TRAPPC12: variants seen among roughly 807,000 people sequenced by gnomAD.
TRAPPC12 encodes the protein TPR repeat protein 15.
Under a neutral mutation model 69.2 loss-of-function variants are expected in TRAPPC12, and 61 were observed. That is an observed-to-expected ratio of 0.88 (90% CI 0.72 to 1.09). The LOEUF is 1.09. TRAPPC12 is among the 50% of genes least tolerant of loss of function. The probability of loss-of-function intolerance (pLI) is 0.00; values close to 1 mark genes in which losing one functional copy is unlikely to be tolerated. For synonymous variants in TRAPPC12, 469 were observed against 438.9 expected (o/e 1.07, Z -0.86); for missense variants, 1,101 against 1,016.4 (o/e 1.08, Z -1.13).
chr2:3,470,544 CA>C (rs973409467), intron 9 of TRAPPC12, among the ~76,000 whole-genome samples: 1 of 152,238 alleles, frequency 6.6e-6, no homozygotes, highest in African/African-American at 2.4e-5. Context: ...GTGCCGTCGC[CA>C]AATCAGTAAC....
chr2:3,431,563 A>C (rs1572149560), intron 5 of TRAPPC12, among the ~76,000 whole-genome samples: 1 of 151,934 alleles, frequency 6.6e-6, no homozygotes, highest in African/African-American at 2.4e-5. Flanking sequence ...AGATCCCTGT[A>C]CTAGCCTTCT....
At chr2:3,383,842 T>C (rs1239309696) in intron 1 of TRAPPC12, among the ~76,000 whole-genome samples, 4 of 149,802 alleles carry the variant, frequency 2.7e-5, no homozygotes. Context: ...TGATGTGTGC[T>C]ACATATTCCC....
At chr2:3,397,990 T>C (rs550774311) in intron 2 of TRAPPC12, among the ~76,000 whole-genome samples, 66 of 152,356 alleles carry the variant, frequency 4.3e-4, no homozygotes, top group Non-Finnish European at 7.6e-4. Flanking sequence ...TTGCTGTGTC[T>C]GAAGACAGTT....
chr2:3,477,372 T>C (rs1369542684), intron 9 of TRAPPC12, among the ~76,000 whole-genome samples: 1 of 152,268 alleles, frequency 6.6e-6, no homozygotes, highest in Non-Finnish European at 1.5e-5. Context: ...ATTTTATGTT[T>C]CATCTTATTA....
chr2:3,401,594 AT>A (rs1392854010), intron 2 of TRAPPC12, among the ~76,000 whole-genome samples, 182 bp from the exon 3 acceptor site: 2 of 152,262 alleles, frequency 1.3e-5, no homozygotes, highest in African/African-American at 4.8e-5. Context: ...AAAATTATGC[AT>A]TTTATTAACG....
chr2:3,423,455 G>C (rs1662932778), intron 4 of TRAPPC12, among the ~76,000 whole-genome samples: 1 of 151,834 alleles, frequency 6.6e-6, no homozygotes, highest in Non-Finnish European at 1.5e-5. Flanking sequence ...TGCGTCACTG[G>C]ATTTTGTTTC....
At chr2:3,393,300 A>G (rs759776641) in intron 2 of TRAPPC12, among the ~76,000 whole-genome samples, 12 of 151,096 alleles carry the variant, frequency 7.9e-5, no homozygotes, top group Non-Finnish European at 1.3e-4. Context: ...TGGAATCTAC[A>G]GAAGTCAGAC....
intron 9 of TRAPPC12, among the ~76,000 whole-genome samples, chr2:3,470,774 C>A (rs1666027250): frequency 6.6e-6 from 1 of 152,122 alleles, no homozygotes; most frequent in Non-Finnish European, 1.5e-5. Context: ...AAGTATTTTC[C>A]ATTTTAATTC....
intron 5 of TRAPPC12, among the ~76,000 whole-genome samples, chr2:3,425,104 G>A (rs567817586): frequency 1.2e-4 from 19 of 152,358 alleles, no homozygotes; most frequent in Admixed American, 3.9e-4. Context: ...TAAAAATCTG[G>A]TTGTGGTTCA....
chr2:3,464,171 C>T (rs1665672065), intron 8 of TRAPPC12, among the ~76,000 whole-genome samples: 1 of 151,644 alleles, frequency 6.6e-6, no homozygotes, highest in South Asian at 2.1e-4. Context: ...CACGCTCACA[C>T]TCATACACAA....
chr2:3,428,503 A>C (rs1363707258), intron 5 of TRAPPC12, among the ~76,000 whole-genome samples: 1 of 152,244 alleles, frequency 6.6e-6, no homozygotes, highest in Non-Finnish European at 1.5e-5. Flanking sequence ...AATATATTTC[A>C]TGTAAATATT....
intron 5 of TRAPPC12, among the ~76,000 whole-genome samples, chr2:3,438,738 G>A (rs1351872434): frequency 6.6e-6 from 1 of 152,046 alleles, no homozygotes; most frequent in African/African-American, 2.4e-5. Context: ...TGCATTTAGG[G>A]TTCCGCTGTC....
chr2:3,434,712 GTC>G (rs1170062255), intron 5 of TRAPPC12, among the ~76,000 whole-genome samples: 5 of 152,248 alleles, frequency 3.3e-5, no homozygotes, highest in Admixed American at 1.3e-4. Context: ...CCAGCTGACA[GTC>G]TCTGCAGAGC....
At chr2:3,423,768 C>T (rs570737367) in intron 4 of TRAPPC12, among the ~76,000 whole-genome samples, 11 of 152,350 alleles carry the variant, frequency 7.2e-5, no homozygotes, top group African/African-American at 2.4e-4. Context: ...TCATTCTTCT[C>T]ATCAGTAAAG....
intron 1 of TRAPPC12, among the ~76,000 whole-genome samples, chr2:3,385,161 A>G (rs561757492): frequency 1.5e-4 from 23 of 152,288 alleles, no homozygotes; most frequent in African/African-American, 4.6e-4. Context: ...CACGTTTTAT[A>G]TCATTTTTAT....
rs559703371 is a variant in TRAPPC12 at position 3,464,983 on chromosome 2, G to A, written c.1678-614G>A. 1.6e-4 allele frequency among the ~76,000 whole-genome samples: 24 copies of A among 152,298 alleles called. No individual in the cohort carries two copies. The South Asian group carries it at 1.7e-3, about 11-fold the overall frequency. On this transcript the variant is annotated intron_variant, in intron 8 of 11. Coordinates refer to ENST00000324266, the MANE Select transcript of TRAPPC12 (RefSeq NM_016030.6). ...CCCTGAGCACGGCAGCTGGCACAGC[G>A]CTCCTACATGTTCCCCCGTAGCTGT...
chr2:3,417,780 C>T (rs903734116), intron 3 of TRAPPC12, among the ~76,000 whole-genome samples: 1 of 152,114 alleles, frequency 6.6e-6, no homozygotes, highest in East Asian at 1.9e-4. Context: ...TGATGGCTCA[C>T]GCCTGTAATC....
At chr2:3,428,987 A>G (rs1273405540) in intron 5 of TRAPPC12, among the ~76,000 whole-genome samples, 3 of 151,948 alleles carry the variant, frequency 2.0e-5, no homozygotes, top group Non-Finnish European at 4.4e-5. Context: ...CAGACCCTAC[A>G]TCCATCCCTA....
At chr2:3,412,303 T>G (rs7563176) in intron 3 of TRAPPC12, among the ~76,000 whole-genome samples, 105,335 of 152,056 alleles carry the variant, frequency 0.69, 37,699 homozygotes, top group African/African-American at 0.89. Context: ...GCTCACACCT[T>G]TAATCCCAGC....
Sources: allele counts gnomAD v4.1 joint callset (sites outside exome capture counted in the v4.1 genomes callset), GRCh38; gene constraint gnomAD v4.1.1; transcripts MANE v1.5; gene names NCBI Gene and HGNC (gene_info 2026-07-23, HGNC 2026-07-21).